The following FGF14 variants were observed in gnomAD, a reference collection of about 807,000 sequenced individuals.
FGF14 encodes fibroblast growth factor 14, also known as fibroblast growth factor homologous factor 4.
FGF14 carries 5 observed loss-of-function variants against 25.5 expected under a neutral mutation model. The observed-to-expected ratio is 0.20, with a 90% CI of 0.10 to 0.41. The LOEUF is 0.41. Among genes scored for constraint, FGF14 ranks in the 10% least tolerant of loss-of-function variants. The pLI, the probability that FGF14 is intolerant of heterozygous loss-of-function variation, is 1.00. For synonymous variants in FGF14, 138 were observed against 118.3 expected (o/e 1.17, Z -1.08); for missense variants, 222 against 320.1 (o/e 0.69, Z 2.34).
intron 1 of FGF14, among the ~76,000 whole-genome samples, chr13:102,030,484 G>A (rs2041155630): frequency 6.6e-6 from 1 of 152,084 alleles, no homozygotes; most frequent in Admixed American, 6.6e-5. Flanking sequence ...AAGTTCTTGA[G>A]ACAGTCACCA....
At chr13:101,868,163 T>C (rs180763798) in intron 3 of FGF14, among the ~76,000 whole-genome samples, 5 of 152,280 alleles carry the variant, frequency 3.3e-5, no homozygotes, top group Non-Finnish European at 7.3e-5. Context: ...TATGCATGAA[T>C]ACAGCATATC....
intron 1 of FGF14, among the ~76,000 whole-genome samples, chr13:102,347,123 T>A (rs2057132762): frequency 6.6e-6 from 1 of 152,004 alleles, no homozygotes; most frequent in South Asian, 2.1e-4. Context: ...CATGGCCAGT[T>A]AAAATGGCAA....
intron 1 of FGF14, among the ~76,000 whole-genome samples, chr13:102,312,810 C>G (rs926106379): frequency 5.9e-5 from 9 of 152,172 alleles, no homozygotes; most frequent in Admixed American, 5.2e-4. Flanking sequence ...CAACAACATC[C>G]TCAGAGACAT....
At chr13:101,890,729 G>A (rs968901469) in intron 1 of FGF14, among the ~76,000 whole-genome samples, 3 of 152,134 alleles carry the variant, frequency 2.0e-5, no homozygotes, top group African/African-American at 4.8e-5. Flanking sequence ...CCTTGGTGAT[G>A]CCACACACAG....
At chr13:102,187,673 A>G (rs1275452336) in intron 1 of FGF14, among the ~76,000 whole-genome samples, 1 of 152,086 alleles carries the variant, frequency 6.6e-6, no homozygotes, top group Non-Finnish European at 1.5e-5. Context: ...GACAGACAAA[A>G]CAGACATACC....
intron 1 of FGF14, among the ~76,000 whole-genome samples, chr13:102,243,351 G>A (rs1356196869): frequency 3.3e-5 from 5 of 152,028 alleles, no homozygotes; most frequent in African/African-American, 1.2e-4. Context: ...TTTCCCAGAA[G>A]GAACTCCATT....
chr13:102,074,264 T>C (rs1458035424), intron 1 of FGF14, among the ~76,000 whole-genome samples: 3 of 152,296 alleles, frequency 2.0e-5, no homozygotes, highest in Non-Finnish European at 2.9e-5. Flanking sequence ...TCCTCCTTCA[T>C]TGGCCTCCAA....
chr13:102,204,784 A>G (rs2049830948), intron 1 of FGF14, among the ~76,000 whole-genome samples: 1 of 152,034 alleles, frequency 6.6e-6, no homozygotes, highest in South Asian at 2.1e-4. Flanking sequence ...TGACCAAGTG[A>G]TGCTCCCACC....
At chr13:102,173,893 C>T (rs556836442) in intron 1 of FGF14, among the ~76,000 whole-genome samples, 1 of 152,148 alleles carries the variant, frequency 6.6e-6, no homozygotes, top group South Asian at 2.1e-4. Context: ...GAAAAGGATG[C>T]TCACTCTCAC....
At chr13:102,082,435 T>G (rs2043669697) in intron 1 of FGF14, among the ~76,000 whole-genome samples, 1 of 152,136 alleles carries the variant, frequency 6.6e-6, no homozygotes, top group South Asian at 2.1e-4. Flanking sequence ...CAAAGACTAG[T>G]TCTCATTAAT....
Position 102,281,089 on chromosome 13 carries a change from G to A in FGF14, c.208+120382C>T, listed in dbSNP as rs536502234. Among the ~76,000 whole-genome samples the A allele has an allele frequency of 6.6e-5, 10 of 152,210 alleles. No homozygotes were observed. In the South Asian group the frequency reaches 2.1e-3, roughly 32 times the overall value. On this transcript the variant is annotated intron_variant, in intron 1 of 4. Transcript: ENST00000376131. ...TTCCTTTTTTTCCCCAAGTGCTTGAGTTTCAGTAGTAATATTTTCACAAGG... is the reference window on the plus strand; with the variant it reads ...TTCCTTTTTTTCCCCAAGTGCTTGAATTTCAGTAGTAATATTTTCACAAGG...
intron 1 of FGF14, among the ~76,000 whole-genome samples, chr13:102,227,635 C>G (rs115472318): frequency 6.6e-6 from 1 of 152,142 alleles, no homozygotes; most frequent in Non-Finnish European, 1.5e-5. Context: ...TCTTCTAATG[C>G]AAAGTTTTAC....
chr13:102,169,401 A>C (rs992471413), intron 1 of FGF14, among the ~76,000 whole-genome samples: 2 of 152,126 alleles, frequency 1.3e-5, no homozygotes, highest in African/African-American at 4.8e-5. Context: ...CCCTGAGGAC[A>C]GGACCCAGAC....
chr13:101,909,111 A>C (rs959164151), intron 1 of FGF14, among the ~76,000 whole-genome samples: 5 of 152,200 alleles, frequency 3.3e-5, no homozygotes, highest in African/African-American at 1.2e-4. Context: ...TAAAGACTTA[A>C]ACTTTAGACC....
chr13:102,161,649 GAAGAAGAAGAAGAAGAAGAAGAAGAAGAA>G (rs2047733271), intron 1 of FGF14, among the ~76,000 whole-genome samples: 5 of 14,962 alleles, frequency 3.3e-4, no homozygotes, highest in African/African-American at 8.8e-4. Context: ...AGAAGAAGAA[GAAGAAGAAGAAGAAGAAGAAGAAGAAGAA>G]GAAGAAGAAG....
intron 1 of FGF14, among the ~76,000 whole-genome samples, chr13:102,217,285 G>C (rs2140942967): frequency 6.6e-6 from 1 of 152,266 alleles, no homozygotes; most frequent in East Asian, 1.9e-4. Flanking sequence ...GCAATTCTAA[G>C]ATACTCTGGG....
chr13:102,108,987 C>G (rs719720), intron 1 of FGF14, among the ~76,000 whole-genome samples: 58,674 of 128,168 alleles, frequency 0.46, 13,569 homozygotes, highest in Non-Finnish European at 0.53. Context: ...AGGCTTTCAG[C>G]TAGGTTTCAT....
chr13:101,836,386 A>G (rs2042929685), intron 3 of FGF14, among the ~76,000 whole-genome samples: 1 of 152,210 alleles, frequency 6.6e-6, no homozygotes, highest in African/African-American at 2.4e-5. Flanking sequence ...TTTAGTTGCA[A>G]TAAGAATTTG....
At chr13:102,238,653 A>C (rs2051440392) in intron 1 of FGF14, among the ~76,000 whole-genome samples, 1 of 152,260 alleles carries the variant, frequency 6.6e-6, no homozygotes, top group Non-Finnish European at 1.5e-5. Flanking sequence ...ATAGCCAAGA[A>C]GGCAGATTCA....
Sources: gnomAD v4.1 joint callset for allele counts (sites outside exome capture counted in the v4.1 genomes callset) on GRCh38, gnomAD v4.1.1 for gene constraint, MANE v1.5 for transcripts, NCBI Gene and HGNC (gene_info 2026-07-23, HGNC 2026-07-21) for gene names.